NRG1: variants seen among roughly 807,000 people sequenced by gnomAD.
The protein encoded by NRG1 is pro-neuregulin-1, membrane-bound isoform.
Under a neutral mutation model 63.8 loss-of-function variants are expected in NRG1, and 18 were observed. That is an observed-to-expected ratio of 0.28 (90% CI 0.19 to 0.42). NRG1 has a LOEUF of 0.42. NRG1 is among the 10% of genes least tolerant of loss of function. The pLI, the probability that NRG1 is intolerant of heterozygous loss-of-function variation, is 1.00. For synonymous variants in NRG1, 302 were observed against 301.3 expected (o/e 1.00, Z -0.02); for missense variants, 762 against 814.7 (o/e 0.94, Z 0.79).
intron 1 of NRG1, among the ~76,000 whole-genome samples, chr8:32,127,293 G>A (rs1834205766): frequency 6.6e-6 from 1 of 151,876 alleles, no homozygotes; most frequent in African/African-American, 2.4e-5. Context: ...GCTTACAGCA[G>A]TGTTAGCCTA....
At chr8:32,061,783 T>C (rs973511878) in intron 1 of NRG1, 3 of 152,062 alleles carry the variant, frequency 2.0e-5, no homozygotes, top group East Asian at 1.9e-4. Flanking sequence ...GACGAGCTTT[T>C]AGAAGACCCT....
intron 1 of NRG1, among the ~76,000 whole-genome samples, chr8:31,703,752 T>A (rs1810857085): frequency 6.6e-6 from 1 of 152,210 alleles, no homozygotes; most frequent in Admixed American, 6.5e-5. Context: ...CATTTGTTCC[T>A]TTGGTCAGGA....
chr8:32,420,265 G>C (rs1466714241), intron 1 of NRG1, among the ~76,000 whole-genome samples: 1 of 152,150 alleles, frequency 6.6e-6, no homozygotes, highest in Admixed American at 6.6e-5. Flanking sequence ...TCCCTTGGGG[G>C]TTGTTTTTGT....
At chr8:31,818,990 G>A (rs1277274868) in intron 1 of NRG1, among the ~76,000 whole-genome samples, 1 of 152,142 alleles carries the variant, frequency 6.6e-6, no homozygotes, top group Non-Finnish European at 1.5e-5. Flanking sequence ...GGAGGCGGAG[G>A]TTGCAGTGAG....
intron 1 of NRG1, among the ~76,000 whole-genome samples, chr8:31,913,545 G>A (rs1447100026): frequency 6.6e-6 from 1 of 152,052 alleles, no homozygotes; most frequent in Non-Finnish European, 1.5e-5. Flanking sequence ...GTCAGATACT[G>A]AGTTATCCAG....
chr8:32,143,785 C>T (rs1271485125), intron 1 of NRG1, among the ~76,000 whole-genome samples: 2 of 152,224 alleles, frequency 1.3e-5, no homozygotes, highest in African/African-American at 2.4e-5. Flanking sequence ...TAAATACACA[C>T]ACCCACTCAT....
intron 1 of NRG1, among the ~76,000 whole-genome samples, chr8:32,317,809 T>C (rs985680443): frequency 9.2e-5 from 14 of 152,206 alleles, no homozygotes; most frequent in African/African-American, 3.1e-4. Flanking sequence ...GTTATATAGC[T>C]GGGCAGAGTG....
At chr8:31,785,281 C>T (rs1820063130) in intron 1 of NRG1, among the ~76,000 whole-genome samples, 1 of 152,058 alleles carries the variant, frequency 6.6e-6, no homozygotes, top group Admixed American at 6.6e-5. Flanking sequence ...CAAGGATTGG[C>T]AGTTGAAGCA....
chr8:32,641,783 C>G (rs1156495457), intron 5 of NRG1, among the ~76,000 whole-genome samples: 1 of 152,142 alleles, frequency 6.6e-6, no homozygotes, highest in Non-Finnish European at 1.5e-5. Flanking sequence ...AACATTTTCA[C>G]TGGGTAAGAA....
intron 1 of NRG1, among the ~76,000 whole-genome samples, chr8:32,235,757 A>G (rs1419488072): frequency 2.6e-5 from 4 of 152,154 alleles, no homozygotes; most frequent in Admixed American, 2.0e-4. Flanking sequence ...AAAATATTGT[A>G]GTGATCTAGA....
chr8:31,893,466 T>C (rs1469726163), intron 1 of NRG1, among the ~76,000 whole-genome samples: 1 of 151,540 alleles, frequency 6.6e-6, no homozygotes, highest in Non-Finnish European at 1.5e-5. Flanking sequence ...ATATAAATGG[T>C]AAACGTTTTA....
intron 1 of NRG1, among the ~76,000 whole-genome samples, chr8:32,371,685 C>A (rs1220201068): frequency 6.6e-6 from 1 of 152,158 alleles, no homozygotes; most frequent in African/African-American, 2.4e-5. Context: ...CCTTTGCCTT[C>A]CCATTCTCCT....
chr8:32,393,696 C>T (rs1812068967), intron 1 of NRG1, among the ~76,000 whole-genome samples: 1 of 150,386 alleles, frequency 6.6e-6, no homozygotes, highest in Admixed American at 6.7e-5. Context: ...AATACATGGA[C>T]ACATAGAGGC....
chr8:32,349,190 CTGCCAAT>C (rs932152660), intron 1 of NRG1, among the ~76,000 whole-genome samples: 76 of 152,280 alleles, frequency 5.0e-4, no homozygotes, highest in African/African-American at 1.8e-3. Flanking sequence ...GAAAGATATG[CTGCCAAT>C]CAGAATCCCA....
chr8:32,384,317 A>G (rs1248293664), intron 1 of NRG1, among the ~76,000 whole-genome samples: 1 of 152,250 alleles, frequency 6.6e-6, no homozygotes, highest in Non-Finnish European at 1.5e-5. Flanking sequence ...AACGACAAAT[A>G]ATAATACATA....
chr8:32,256,574 T>G (rs1339803164), intron 1 of NRG1: 4 of 153,130 alleles, frequency 2.6e-5, no homozygotes, highest in Non-Finnish European at 5.8e-5. Flanking sequence ...TGGTTATACT[T>G]GGATGGGAGA....
chr8:32,188,892 A>C (rs1269077726), intron 1 of NRG1, among the ~76,000 whole-genome samples: 1 of 152,098 alleles, frequency 6.6e-6, no homozygotes, highest in Non-Finnish European at 1.5e-5. Context: ...GCACACCAGC[A>C]TGGCACATGT....
chr8:32,486,076 C>A (rs570031520), intron 1 of NRG1, among the ~76,000 whole-genome samples: 1 of 151,678 alleles, frequency 6.6e-6, no homozygotes, highest in Non-Finnish European at 1.5e-5. Flanking sequence ...TACAGGCGCT[C>A]CCCCCCTCCC....
chr8:31,755,367 C>G (rs1479837303), intron 1 of NRG1, among the ~76,000 whole-genome samples: 1 of 152,052 alleles, frequency 6.6e-6, no homozygotes, highest in Non-Finnish European at 1.5e-5. Flanking sequence ...AGACTTGAAA[C>G]TGAGAGGCTT....
Sources: gnomAD v4.1 joint callset for allele counts (sites outside exome capture counted in the v4.1 genomes callset) on GRCh38, gnomAD v4.1.1 for gene constraint, MANE v1.5 for transcripts, NCBI Gene and HGNC (gene_info 2026-07-23, HGNC 2026-07-21) for gene names.